The following RCC1L variants were observed in gnomAD, a reference collection of about 807,000 sequenced individuals.
RCC1L encodes the protein RCC1-like G exchanging factor-like protein.
In RCC1L, 46 loss-of-function variants were observed where a neutral mutation model predicts 58.6. That is an observed-to-expected ratio of 0.79 (90% CI 0.62 to 1.00). RCC1L has a LOEUF of 1.00. Among genes scored for constraint, RCC1L ranks in the 50% least tolerant of loss-of-function variants. The pLI, the probability that RCC1L is intolerant of heterozygous loss-of-function variation, is 0.00. For missense variants in RCC1L, 636 were observed against 623.6 expected (o/e 1.02, Z -0.21); for synonymous variants, 281 against 262.9 (o/e 1.07, Z -0.67).
Position 75,073,484 on chromosome 7 carries a change from C to G in RCC1L, c.254G>C (p.Gly85Ala). 1.4e-6 allele frequency: 2 copies of G among 1,386,978 alleles called. No individual in the cohort carries two copies. The highest frequency in any genetic ancestry group is 1.9e-6 in the Non-Finnish European group (2 of 1,075,854). The allele number at this position is 1,386,978 out of a possible 1,614,324, so 85.9% of individuals were successfully genotyped here. A position where few individuals can be genotyped will look rare whatever the true frequency, so the allele number is the denominator to read the frequency against. Residue 85 changes from glycine (G) to alanine (A), a missense_variant, in exon 1 of 11, where the codon GGG (glycine) becomes GCG (alanine). Gly to Ala is a moderately conservative substitution (Grantham distance 60). Transcript: ENST00000610322. ...PSFVVPSSGP[G>A]PRAGARPRRR... ...GCGCGGTCGGGCGCCGGCGCGGGGC[C>G]CGGGCCCGGAGCTGGGCACCACAAA...
intron 8 of RCC1L, 111 bp from the exon 9 acceptor site, chr7:75,056,185 G>GA: frequency 7.4e-6 from 8 of 1,084,860 alleles, no homozygotes; most frequent in Non-Finnish European, 1.0e-5. Flanking sequence ...GTTTTTTTTT[G>GA]TTTTTTTTTT....
intron 10 of RCC1L, among the ~76,000 whole-genome samples, chr7:75,035,489 C>CA (rs1375568521): frequency 1.3e-5 from 2 of 151,920 alleles, no homozygotes; most frequent in Non-Finnish European, 2.9e-5. Context: ...TGTCAAAACT[C>CA]AAAAAAATTA....
At chr7:75,053,135 G>C (rs1342361854) in intron 9 of RCC1L, among the ~76,000 whole-genome samples, 2,117 of 118,130 alleles carry the variant, frequency 0.018, 47 homozygotes, top group Middle Eastern at 0.095. Flanking sequence ...GTGGTGCATG[G>C]AGCTGGGGTC....
chr7:75,045,156 G>A (rs1480997245), intron 10 of RCC1L, among the ~76,000 whole-genome samples: 2 of 151,972 alleles, frequency 1.3e-5, no homozygotes, highest in Non-Finnish European at 2.9e-5. Context: ...CTACAGGCAC[G>A]TGCCACCATG....
intron 10 of RCC1L, 69 bp downstream of exon 10, chr7:75,052,642 G>T (rs942523893): frequency 6.9e-7 from 1 of 1,454,610 alleles, no homozygotes; most frequent in Non-Finnish European, 9.5e-7. Context: ...TGCACGCGAG[G>T]TGTCTGCAGT....
chr7:75,072,577 T>A (rs1454341967), intron 1 of RCC1L, among the ~76,000 whole-genome samples: 6 of 152,090 alleles, frequency 3.9e-5, no homozygotes, highest in African/African-American at 1.4e-4. Context: ...AAGGTCTTTG[T>A]TGGGTGTTTT....
intron 3 of RCC1L, 126 bp from the exon 4 acceptor site, chr7:75,064,774 G>T: frequency 9.3e-7 from 1 of 1,070,986 alleles, no homozygotes; most frequent in Non-Finnish European, 1.4e-6. Flanking sequence ...ACTGCCCCTG[G>T]GTTTCCTTCT....
chr7:75,061,861 G>A (rs976207659), intron 5 of RCC1L, among the ~76,000 whole-genome samples: 2 of 152,118 alleles, frequency 1.3e-5, no homozygotes, highest in African/African-American at 2.4e-5. Flanking sequence ...ACCAGGCATT[G>A]TGTTAAGTCA....
At chr7:75,057,678 C>T (rs1806125352) in intron 7 of RCC1L, 62 bp from the exon 8 acceptor site, 1 of 1,524,180 alleles carries the variant, frequency 6.6e-7, no homozygotes, top group South Asian at 1.1e-5. Flanking sequence ...GGGAAGTGTT[C>T]TGGTCTTAGG....
intron 8 of RCC1L, 66 bp downstream of exon 8, chr7:75,057,463 A>C: frequency 6.5e-7 from 1 of 1,539,834 alleles, no homozygotes; most frequent in South Asian, 1.1e-5. Context: ...AATCCAATGG[A>C]CACTGACCAC....
At chr7:75,034,745 G>C (rs1375398985) in intron 10 of RCC1L, among the ~76,000 whole-genome samples, 1 of 151,756 alleles carries the variant, frequency 6.6e-6, no homozygotes, top group East Asian at 1.9e-4. Context: ...TCGAACTCCT[G>C]GTCTCAAGCA....
At chr7:75,037,280 G>C (rs1310988439), downstream of RCC1L, among the ~76,000 whole-genome samples, 2 of 151,956 alleles carry the variant, frequency 1.3e-5, no homozygotes, top group Non-Finnish European at 2.9e-5. Context: ...TGCCTCCCTG[G>C]TTCAAGCGAT....
At chr7:75,046,893 A>G (rs1196188347) in intron 10 of RCC1L, among the ~76,000 whole-genome samples, 4 of 152,120 alleles carry the variant, frequency 2.6e-5, no homozygotes, top group Non-Finnish European at 2.9e-5. Context: ...CGTGGGGACA[A>G]GAGAGCCAGA....
chr7:75,072,161 C>CATATATATATATATATATATATATAT (rs1165938365), intron 1 of RCC1L, among the ~76,000 whole-genome samples: 27 of 46,324 alleles, frequency 5.8e-4, no homozygotes, highest in South Asian at 1.8e-3. Context: ...TATACATATA[C>CATATATATATATATATATATATATAT]ATATATATAT....
chr7:75,035,017 A>AATTT (rs1805406992), intron 10 of RCC1L, among the ~76,000 whole-genome samples: 1 of 151,760 alleles, frequency 6.6e-6, no homozygotes, highest in Admixed American at 6.6e-5. Flanking sequence ...AGGGTTCCCT[A>AATTT]ATTTATTTAT....
intron 2 of RCC1L, among the ~76,000 whole-genome samples, chr7:75,068,136 G>A (rs1352011604): frequency 2.6e-5 from 4 of 151,352 alleles, no homozygotes; most frequent in South Asian, 2.1e-4. Flanking sequence ...CCTGACCAAC[G>A]TGGAGAAACC....
chr7:75,056,556 TTTCA>T, intron 8 of RCC1L: 1 of 1,529,720 alleles, frequency 6.5e-7, no homozygotes, highest in Non-Finnish European at 8.7e-7. Flanking sequence ...GTGCCAGATA[TTTCA>T]TCGTTATCCA....
downstream of RCC1L, among the ~76,000 whole-genome samples, chr7:75,041,545 T>C (rs1299767003): frequency 2.6e-5 from 4 of 151,454 alleles, no homozygotes; most frequent in African/African-American, 7.3e-5. Context: ...ACTGCGGGAG[T>C]AGAATCTGTT....
intron 2 of RCC1L, among the ~76,000 whole-genome samples, chr7:75,070,081 A>AG (rs1275124029): frequency 6.6e-6 from 1 of 152,190 alleles, no homozygotes; most frequent in African/African-American, 2.4e-5. Flanking sequence ...CAGGAAAAAA[A>AG]GGTCATCTCT....
Sources: gnomAD v4.1 joint callset for allele counts (sites outside exome capture counted in the v4.1 genomes callset) on GRCh38, gnomAD v4.1.1 for gene constraint, MANE v1.5 for transcripts, NCBI Gene and HGNC (gene_info 2026-07-23, HGNC 2026-07-21) for gene names.